The following NRG1 variants were observed in gnomAD, a reference collection of about 807,000 sequenced individuals.
NRG1 encodes pro-neuregulin-1, membrane-bound isoform.
In NRG1, 18 loss-of-function variants were observed where a neutral mutation model predicts 63.8. The ratio of observed to expected loss-of-function variants is 0.28; its 90% CI spans 0.19 to 0.42. NRG1 has a LOEUF of 0.42. NRG1 is among the 10% of genes least tolerant of loss of function. The pLI is 1.00. For missense variants in NRG1, 762 were observed against 814.7 expected, an observed-to-expected ratio of 0.94 and a Z score of 0.79; for synonymous variants, 302 against 301.3, an observed-to-expected ratio of 1.00 and a Z score of -0.02.
intron 1 of NRG1, among the ~76,000 whole-genome samples, chr8:32,519,720 G>A (rs1830155641): frequency 6.6e-6 from 1 of 152,140 alleles, no homozygotes; most frequent in African/African-American, 2.4e-5. Context: ...TTCCAGGATT[G>A]AACCAAAACC....
intron 1 of NRG1, among the ~76,000 whole-genome samples, chr8:32,505,307 CA>C (rs1828385589): frequency 6.6e-6 from 1 of 152,150 alleles, no homozygotes; most frequent in Admixed American, 6.5e-5. Context: ...AACCATGATA[CA>C]CTTGTTTCCT....
chr8:32,727,901 G>T (rs1443374840), intron 5 of NRG1, 48 bp from the exon 6 acceptor site: 2 of 1,555,750 alleles, frequency 1.3e-6, no homozygotes, highest in Non-Finnish European at 1.8e-6. Flanking sequence ...CTGCTTAGAA[G>T]GGGGAAAAAA....
intron 5 of NRG1, among the ~76,000 whole-genome samples, chr8:32,651,178 C>T (rs984158554): frequency 2.6e-5 from 4 of 151,938 alleles, no homozygotes; most frequent in African/African-American, 9.7e-5. Flanking sequence ...GTGGCTATGT[C>T]GAATTTTCTA....
intron 1 of NRG1, among the ~76,000 whole-genome samples, chr8:32,278,545 C>T (rs1852356279): frequency 6.6e-6 from 1 of 152,144 alleles, no homozygotes; most frequent in Non-Finnish European, 1.5e-5. Context: ...TCTTGGGTTT[C>T]TAACCCAAAT....
intron 1 of NRG1, among the ~76,000 whole-genome samples, chr8:32,555,223 T>A (rs1834898546): frequency 6.6e-6 from 1 of 152,120 alleles, no homozygotes; most frequent in African/African-American, 2.4e-5. Context: ...TCCCTCCCAC[T>A]GAAGTGCACA....
intron 1 of NRG1, among the ~76,000 whole-genome samples, chr8:32,016,221 T>G (rs1476026289): frequency 1.3e-5 from 2 of 152,018 alleles, no homozygotes; most frequent in Non-Finnish European, 1.5e-5. Context: ...TCCTGCAACT[T>G]CTTTTGTTTA....
At chr8:32,359,075 A>T (rs983185209) in intron 1 of NRG1, among the ~76,000 whole-genome samples, 34 of 152,012 alleles carry the variant, frequency 2.2e-4, no homozygotes, top group Non-Finnish European at 4.4e-5. Flanking sequence ...CCTGCTAGAG[A>T]GATGGTGGGT....
intron 5 of NRG1, among the ~76,000 whole-genome samples, chr8:32,684,957 A>G (rs949687878): frequency 8.5e-5 from 13 of 152,194 alleles, no homozygotes; most frequent in Admixed American, 7.2e-4. Context: ...AATTTTAGAT[A>G]TACATATAGT....
In NRG1 at chr8:31,863,386, T is replaced by C. The variant is rs1006573559; in HGVS notation, c.37+223955T>C. Reference sequence around the variant, plus strand: ...AGGGGAAGGGGGAGAATCATCACAATCATCTAAAACTGTTTTGTTTAATGT... The same window carrying C: ...AGGGGAAGGGGGAGAATCATCACAACCATCTAAAACTGTTTTGTTTAATGT... On this transcript the variant is annotated intron_variant, in intron 1 of 10. Coordinates refer to the NRG1 transcript ENST00000519301. 3.9e-5 allele frequency among the ~76,000 whole-genome samples: 6 copies of C among 152,160 alleles called. No homozygotes were observed. In the East Asian group the frequency reaches 9.6e-4, roughly 24 times the overall value.
intron 1 of NRG1, among the ~76,000 whole-genome samples, chr8:31,750,509 G>T (rs1563358328): frequency 6.6e-6 from 1 of 151,976 alleles, no homozygotes; most frequent in Non-Finnish European, 1.5e-5. Context: ...AGAGCTGAAT[G>T]ATTAGAAAAT....
At chr8:32,230,316 A>G (rs1846786269) in intron 1 of NRG1, among the ~76,000 whole-genome samples, 1 of 152,188 alleles carries the variant, frequency 6.6e-6, no homozygotes, top group South Asian at 2.1e-4. Context: ...ATGGTTGAAG[A>G]CAAATGTCTC....
intron 1 of NRG1, among the ~76,000 whole-genome samples, chr8:32,011,139 C>T (rs1814689999): frequency 6.6e-6 from 1 of 152,046 alleles, no homozygotes; most frequent in Non-Finnish European, 1.5e-5. Context: ...ATCTCTACGG[C>T]TTCTCACCAC....
intron 1 of NRG1, among the ~76,000 whole-genome samples, chr8:32,350,812 T>A (rs1434049742): frequency 1.3e-5 from 2 of 152,084 alleles, no homozygotes; most frequent in Non-Finnish European, 2.9e-5. Flanking sequence ...ATCAAGGGCC[T>A]CCTTGAATTT....
At chr8:31,748,151 A>G (rs1052009627) in intron 1 of NRG1, among the ~76,000 whole-genome samples, 1 of 151,984 alleles carries the variant, frequency 6.6e-6, no homozygotes, top group African/African-American at 2.4e-5. Context: ...ATTCTCTGTC[A>G]ACATTCTTTT....
intron 1 of NRG1, among the ~76,000 whole-genome samples, chr8:31,736,775 G>A (rs1814713432): frequency 6.6e-6 from 1 of 152,060 alleles, no homozygotes; most frequent in Non-Finnish European, 1.5e-5. Context: ...ATTTTCTATG[G>A]CAAGGCCATT....
intron 5 of NRG1, among the ~76,000 whole-genome samples, chr8:32,680,677 C>G (rs1808368653): frequency 6.6e-6 from 1 of 152,098 alleles, no homozygotes; most frequent in South Asian, 2.1e-4. Context: ...CCTTACCCTA[C>G]CCAGAATTTT....
chr8:32,262,819 A>G (rs1329800586), intron 1 of NRG1, among the ~76,000 whole-genome samples: 1 of 152,184 alleles, frequency 6.6e-6, no homozygotes, highest in African/African-American at 2.4e-5. Context: ...ATATTAATAC[A>G]TGGACAGGTT....
At chr8:32,609,282 C>G (rs2129540438) in intron 3 of NRG1, among the ~76,000 whole-genome samples, 1 of 152,232 alleles carries the variant, frequency 6.6e-6, no homozygotes, top group African/African-American at 2.4e-5. Context: ...TAAGAATTTG[C>G]TATATTCTGT....
intron 1 of NRG1, among the ~76,000 whole-genome samples, chr8:32,278,497 A>C (rs1322275704): frequency 6.6e-6 from 1 of 152,232 alleles, no homozygotes; most frequent in Non-Finnish European, 1.5e-5. Context: ...GGACATAGTC[A>C]TGAGGTCATC....
Sources: allele counts gnomAD v4.1 joint callset (sites outside exome capture counted in the v4.1 genomes callset), GRCh38; gene constraint gnomAD v4.1.1; transcripts MANE v1.5; gene names NCBI Gene and HGNC (gene_info 2026-07-23, HGNC 2026-07-21).